The following NLGN1 variants were observed in gnomAD, a reference collection of about 807,000 sequenced individuals.
NLGN1 encodes neuroligin 1.
In NLGN1, 12 loss-of-function variants were observed where a neutral mutation model predicts 65.5. The ratio of observed to expected loss-of-function variants is 0.18; its 90% CI spans 0.12 to 0.30. The LOEUF (loss-of-function observed/expected upper bound fraction) is 0.30. Among genes scored for constraint, NLGN1 ranks in the 10% least tolerant of loss-of-function variants. NLGN1 has a pLI of 1.00. For synonymous variants in NLGN1, 350 were observed against 359.5 expected (o/e 0.97, Z 0.30); for missense variants, 750 against 1,007.1 (o/e 0.74, Z 3.46).
intron 3 of NLGN1, among the ~76,000 whole-genome samples, chr3:173,630,333 G>T (rs1043126265): frequency 2.6e-5 from 4 of 151,912 alleles, no homozygotes; most frequent in African/African-American, 7.3e-5. Context: ...AACTGTAATA[G>T]TCACATACTT....
At chr3:173,787,169 C>T (rs1782118428) in intron 3 of NLGN1, among the ~76,000 whole-genome samples, 2 of 151,978 alleles carry the variant, frequency 1.3e-5, no homozygotes, top group Admixed American at 1.3e-4. Flanking sequence ...CTCAAAATTG[C>T]AGCTTCTCTT....
chr3:173,985,426 T>C lies in NLGN1; in HGVS notation c.646+177594T>C, dbSNP rs559734331. On this transcript the variant is annotated intron_variant, in intron 4 of 6. Coordinates refer to ENST00000457714, the Ensembl canonical transcript of NLGN1. ...TAAGGGATTCAGGCCAAGAGAACTT[T>C]TATCTTGGTAGCAGGAACCCATTCT... 7.3e-4 allele frequency among the ~76,000 whole-genome samples: 111 copies of C among 152,200 alleles called. 3 individuals are homozygous for C. In the South Asian group the frequency reaches 0.022, roughly 31 times the overall value.
intron 4 of NLGN1, among the ~76,000 whole-genome samples, chr3:173,941,728 A>G (rs946531815): frequency 2.0e-5 from 3 of 151,932 alleles, no homozygotes; most frequent in Admixed American, 6.6e-5. Context: ...ATATTTGTAG[A>G]AAAACTGTGT....
intron 4 of NLGN1, among the ~76,000 whole-genome samples, chr3:173,952,583 C>T (rs1057477758): frequency 3.3e-5 from 5 of 152,076 alleles, no homozygotes; most frequent in African/African-American, 7.2e-5. Flanking sequence ...ATTTCATCTA[C>T]GAAGCAAGGG....
intron 2 of NLGN1, among the ~76,000 whole-genome samples, chr3:173,570,106 G>T (rs983649509): frequency 1.3e-5 from 2 of 152,170 alleles, no homozygotes; most frequent in African/African-American, 4.8e-5. Context: ...GGGGCCAGAA[G>T]GGGTCAAGAG....
chr3:173,615,307 C>T (rs1577548597), intron 3 of NLGN1, among the ~76,000 whole-genome samples: 1 of 152,098 alleles, frequency 6.6e-6, no homozygotes, highest in East Asian at 1.9e-4. Context: ...TGTTTCCTGT[C>T]TCTCTCAGCC....
At chr3:173,968,036 C>G (rs774611278) in intron 4 of NLGN1, among the ~76,000 whole-genome samples, 1 of 152,092 alleles carries the variant, frequency 6.6e-6, no homozygotes, top group Non-Finnish European at 1.5e-5. Context: ...GTAGAGTTTG[C>G]TGTAGTTTTG....
At chr3:174,208,979 A>C (rs1209239243) in intron 4 of NLGN1, among the ~76,000 whole-genome samples, 1 of 152,076 alleles carries the variant, frequency 6.6e-6, no homozygotes, top group Non-Finnish European at 1.5e-5. Flanking sequence ...GCTGGAGTGT[A>C]GTGGCATGGT....
intron 4 of NLGN1, among the ~76,000 whole-genome samples, chr3:174,262,610 A>G (rs1561418969): frequency 6.6e-6 from 1 of 151,262 alleles, no homozygotes; most frequent in Non-Finnish European, 1.5e-5. Context: ...CGGTCTATCA[A>G]TTTTGTTGAT....
Position 174,053,465 on chromosome 3 carries a change from A to T in NLGN1, c.647-221850A>T, listed in dbSNP as rs78585714. On this transcript the variant is annotated intron_variant, in intron 4 of 6. Coordinates refer to ENST00000457714, the Ensembl canonical transcript of NLGN1. ...ACAGTTTTGACATCATATTTAATTG[A>T]TTCTGTTTTTTCAGTGGGTTTACCC... Among the ~76,000 whole-genome samples the T allele has an allele frequency of 5.6e-3, 846 of 152,086 alleles. 12 individuals carry two copies. Among genetic ancestry groups the T allele is most frequent in the Admixed American group, 0.029 (437 of 15,242 alleles).
At chr3:173,656,305 A>T (rs2149670764) in intron 3 of NLGN1, among the ~76,000 whole-genome samples, 1 of 152,252 alleles carries the variant, frequency 6.6e-6, no homozygotes, top group Non-Finnish European at 1.5e-5. Flanking sequence ...ACTGATTAAA[A>T]GTATTCTAAG....
intron 2 of NLGN1, among the ~76,000 whole-genome samples, chr3:173,588,647 C>T (rs1485541694): frequency 2.0e-5 from 3 of 152,076 alleles, no homozygotes; most frequent in Admixed American, 6.6e-5. Context: ...TGCCTATTTC[C>T]GTTGCATGTG....
intron 2 of NLGN1, chr3:173,585,114 C>G (rs1347253622): frequency 6.6e-6 from 1 of 152,256 alleles, no homozygotes; most frequent in Admixed American, 6.5e-5. Context: ...GACGCGGTGC[C>G]TGTGAAATGG....
chr3:173,929,878 G>A (rs35480223), intron 4 of NLGN1, among the ~76,000 whole-genome samples: 45,567 of 151,442 alleles, frequency 0.3, 7,288 homozygotes, highest in African/African-American at 0.39. Flanking sequence ...CTAATTTTGT[G>A]TTTTTAGTAG....
intron 3 of NLGN1, among the ~76,000 whole-genome samples, chr3:173,796,460 T>C (rs1235075272): frequency 6.6e-6 from 1 of 152,136 alleles, no homozygotes; most frequent in Non-Finnish European, 1.5e-5. Flanking sequence ...AGTTCAAAGT[T>C]CATGTTAGGA....
intron 4 of NLGN1, among the ~76,000 whole-genome samples, chr3:174,150,755 A>G (rs527446316): frequency 6.6e-6 from 1 of 152,180 alleles, no homozygotes; most frequent in Non-Finnish European, 1.5e-5. Context: ...TATTTGGAGC[A>G]GGAAGTACAG....
chr3:173,968,924 C>T (rs901078605), intron 4 of NLGN1, among the ~76,000 whole-genome samples: 6 of 151,604 alleles, frequency 4.0e-5, no homozygotes, highest in South Asian at 2.1e-4. Flanking sequence ...TGGTCTCAAA[C>T]TCCTGACCTC....
intron 3 of NLGN1, chr3:173,695,645 A>G: frequency 1.3e-5 from 3 of 237,994 alleles, no homozygotes; most frequent in Non-Finnish European, 2.6e-5. Context: ...TAAAAATCTT[A>G]TACTGTGGAC....
chr3:173,401,640 G>A (rs1717725854), intron 1 of NLGN1, among the ~76,000 whole-genome samples: 1 of 152,034 alleles, frequency 6.6e-6, no homozygotes, highest in African/African-American at 2.4e-5. Context: ...TGAGAGGTTG[G>A]AAGATAGATT....
Sources: gnomAD v4.1 joint callset for allele counts (sites outside exome capture counted in the v4.1 genomes callset) on GRCh38, gnomAD v4.1.1 for gene constraint, MANE v1.5 for transcripts, NCBI Gene and HGNC (gene_info 2026-07-23, HGNC 2026-07-21) for gene names.